Variants in GRK5 observed in about 807,000 individuals in gnomAD.
The protein encoded by GRK5 is G protein-coupled receptor kinase 5.
A neutral mutation model predicts 78.4 loss-of-function variants in GRK5; 40 were observed. That is an observed-to-expected ratio of 0.51 (90% confidence interval 0.40 to 0.66). The LOEUF is 0.66. Among genes scored for constraint, GRK5 ranks in the 30% least tolerant of loss-of-function variants. GRK5 has a pLI of 0.00. For synonymous variants in GRK5, 289 were observed against 296.8 expected (o/e 0.97, Z 0.27); for missense variants, 598 against 759.9 (o/e 0.79, Z 2.50).
chr10:119,359,410 G>C (rs558677956), intron 2 of GRK5, among the ~76,000 whole-genome samples: 1 of 152,242 alleles, frequency 6.6e-6, no homozygotes, highest in African/African-American at 2.4e-5. Context: ...GCGTGGCCCA[G>C]CAAGGCAGCT....
At chr10:119,251,556 A>G (rs1422941732) in intron 1 of GRK5, among the ~76,000 whole-genome samples, 2 of 152,254 alleles carry the variant, frequency 1.3e-5, no homozygotes, top group Non-Finnish European at 2.9e-5. Context: ...ACAGGCTGCG[A>G]ACATTTATCT....
chr10:119,398,410 G>GAA (rs1852093059), intron 4 of GRK5, among the ~76,000 whole-genome samples: 1 of 60 alleles, frequency 0.017, no homozygotes, highest in African/African-American at 0.071. Flanking sequence ...GCGTATCCAC[G>GAA]AGATTGCCCT....
chr10:119,308,460 C>T (rs1325855501), intron 1 of GRK5, among the ~76,000 whole-genome samples: 1 of 152,142 alleles, frequency 6.6e-6, no homozygotes, highest in East Asian at 1.9e-4. Context: ...CAGGCGTGTG[C>T]CCCCTCAGAA....
At chr10:119,330,815 G>A (rs566232366) in intron 2 of GRK5, among the ~76,000 whole-genome samples, 41 of 152,208 alleles carry the variant, frequency 2.7e-4, no homozygotes, top group Non-Finnish European at 5.4e-4. Flanking sequence ...GAAGTCAGGA[G>A]TTAGAGACCA....
chr10:119,207,586 A>T lies in GRK5; in HGVS notation c.-332A>T. 1 of 278,820 alleles carries T rather than the reference A, an allele frequency of 3.6e-6. No individual in the cohort carries two copies. The allele number at this position is 278,820 out of a possible 1,614,324, so 17.3% of individuals were successfully genotyped here. A position where few individuals can be genotyped will look rare whatever the true frequency, so the allele number is the denominator to read the frequency against. On this transcript the variant is annotated 5_prime_UTR_variant, in exon 1 of 16. Transcript: ENST00000392870. The stretch of plus-strand genomic sequence containing the variant: ...GAGGGGAGGCAGAAGCATCCGAGGC[A>T]TTAAAGCATCCGAGGGAGCCGGAGG...
intron 1 of GRK5, among the ~76,000 whole-genome samples, chr10:119,283,817 C>T (rs369602438): frequency 1.3e-5 from 2 of 152,216 alleles, no homozygotes; most frequent in African/African-American, 2.4e-5. Flanking sequence ...CCTTCAAAGC[C>T]TAAATTGGGG....
chr10:119,259,043 A>G (rs1849329589), intron 1 of GRK5, among the ~76,000 whole-genome samples: 1 of 148,722 alleles, frequency 6.7e-6, no homozygotes, highest in Admixed American at 6.7e-5. Flanking sequence ...TCCTCTTTCC[A>G]TGACACTCCC....
chr10:119,275,617 A>G lies in GRK5; in HGVS notation c.53-50899A>G, dbSNP rs879368943. ...CTCTCTCTCTCTCTCTCTCTCGCAC[A>G]CACACACACACACACACACACACAC... On this transcript the variant is annotated intron_variant, in intron 1 of 15. Coordinates refer to ENST00000392870, the MANE Select transcript of GRK5 (RefSeq NM_005308.3). Among the ~76,000 whole-genome samples the G allele has an allele frequency of 4.7e-3, 551 of 117,362 alleles. 2 individuals carry two copies. Among genetic ancestry groups the G allele is most frequent in the African/African-American group, 0.013 (400 of 31,026 alleles). 77.0% of individuals were successfully genotyped at this position (117,362 alleles called of 152,430 possible). A position where few individuals can be genotyped will look rare whatever the true frequency, so the allele number is the denominator to read the frequency against.
intron 4 of GRK5, among the ~76,000 whole-genome samples, chr10:119,413,716 C>T (rs1291660243): frequency 6.6e-6 from 1 of 152,118 alleles, no homozygotes; most frequent in Non-Finnish European, 1.5e-5. Flanking sequence ...ACAGTAAGCC[C>T]CCACCTCACA....
At chr10:119,260,728 T>TCA (rs1224850283) in intron 1 of GRK5, among the ~76,000 whole-genome samples, 1 of 151,036 alleles carries the variant, frequency 6.6e-6, no homozygotes, top group African/African-American at 2.4e-5. Context: ...GGGGGTAAGG[T>TCA]CACAGATCAA....
rs753965642 is a variant in GRK5, at chr10:119,271,288, TC to T, written c.53-55224del. Among the ~76,000 whole-genome samples the T allele has an allele frequency of 5.3e-5, 8 of 152,156 alleles. No homozygotes were observed. Among genetic ancestry groups the T allele is most frequent in the South Asian group, 2.1e-4 (1 of 4,828 alleles). On this transcript the variant is annotated intron_variant, in intron 1 of 15. Coordinates refer to ENST00000392870, the MANE Select transcript of GRK5 (RefSeq NM_005308.3). This position sits in a 1 kb window ranked among gnomAD's most constrained non-coding sequence, Gnocchi z 4.1. Reference sequence around the variant, plus strand: ...CCTGGCCTCTTTAGAGGCTCTCTCATCCCCTCGAGCTGCCAACACAATCAAG... The same window carrying T: ...CCTGGCCTCTTTAGAGGCTCTCTCATCCCTCGAGCTGCCAACACAATCAAG...
intron 1 of GRK5, among the ~76,000 whole-genome samples, chr10:119,220,353 A>T (rs1848638371): frequency 1.3e-5 from 2 of 152,224 alleles, no homozygotes; most frequent in South Asian, 4.1e-4. Flanking sequence ...ATTAAAGCTT[A>T]ATTCTCTATA....
chr10:119,284,786 C>A (rs564274579), intron 1 of GRK5, among the ~76,000 whole-genome samples: 4 of 152,288 alleles, frequency 2.6e-5, no homozygotes, highest in African/African-American at 9.6e-5. Context: ...AGTGACACCA[C>A]GTGTCTCTCC....
chr10:119,335,129 C>CCTCTCTCTCTCTCTCTCTCT lies in GRK5; in HGVS notation c.148+8546_148+8565dup, dbSNP rs71016564. On this transcript the variant is annotated intron_variant, in intron 2 of 15. Coordinates refer to ENST00000392870, the MANE Select transcript of GRK5 (RefSeq NM_005308.3). ...TGCCTGCTTTGCCCTGCCTGCCTTG[C>CCTCTCTCTCTCTCTCTCTCT]CTCTCTCTCTCTCTCTCTCTCTCTC... 1.4e-3 allele frequency: 14 copies of CCTCTCTCTCTCTCTCTCTCT among 9,870 alleles called. 3 individuals are homozygous for CCTCTCTCTCTCTCTCTCTCT. Among genetic ancestry groups the CCTCTCTCTCTCTCTCTCTCT allele is most frequent in the East Asian group, 2.9e-3 (1 of 340 alleles). 0.6% of individuals were successfully genotyped at this position (9,870 alleles called of 1,614,324 possible).
intron 1 of GRK5, among the ~76,000 whole-genome samples, chr10:119,298,511 A>G (rs1301689121): frequency 6.6e-6 from 1 of 152,186 alleles, no homozygotes; most frequent in Non-Finnish European, 1.5e-5. Flanking sequence ...TGTTCTCGGC[A>G]TCTCAAACTT....
intron 1 of GRK5, among the ~76,000 whole-genome samples, chr10:119,289,402 A>T (rs12264832): frequency 0.055 from 8,308 of 152,266 alleles, 433 homozygotes; most frequent in African/African-American, 0.14. Flanking sequence ...GGAAGTGCTT[A>T]ATGTCTTTGC....
intron 3 of GRK5, among the ~76,000 whole-genome samples, chr10:119,394,428 A>AT (rs1851981228): frequency 8.1e-5 from 1 of 12,334 alleles, no homozygotes. Context: ...GTGTGTGGGT[A>AT]CGTGTATGGG....
Position 119,455,363 on chromosome 10 carries a change from G to C in GRK5, c.*296G>C, listed in dbSNP as rs1358346282. 6.9e-6 allele frequency: 4 copies of C among 577,420 alleles called. No homozygotes were observed. Among genetic ancestry groups the C allele is most frequent in the Non-Finnish European group, 6.3e-6 (2 of 317,704 alleles). The allele number at this position is 577,420 out of a possible 1,614,324, so 35.8% of individuals were successfully genotyped here. A position where few individuals can be genotyped will look rare whatever the true frequency, so the allele number is the denominator to read the frequency against. On this transcript the variant is annotated 3_prime_UTR_variant, in exon 16 of 16. Coordinates refer to ENST00000392870, the MANE Select transcript of GRK5 (RefSeq NM_005308.3). ...ACGTATTTTAATAGCGTCATAACTA[G>C]AACTGAATTTTGTCTTTATGATTTT...
chr10:119,278,951 C>T (rs1589718395), intron 1 of GRK5, among the ~76,000 whole-genome samples: 1 of 152,190 alleles, frequency 6.6e-6, no homozygotes, highest in South Asian at 2.1e-4. Context: ...AGTCTTGGCT[C>T]ACTGCAACCT....
Sources: allele counts gnomAD v4.1 joint callset (sites outside exome capture counted in the v4.1 genomes callset), GRCh38; gene constraint gnomAD v4.1.1; non-coding constraint Gnocchi (gnomAD v3.1); transcripts MANE v1.5; gene names NCBI Gene and HGNC (gene_info 2026-07-23, HGNC 2026-07-21).